Variants in GLIS3 observed in about 807,000 individuals in gnomAD.
GLIS3 encodes GLIS family zinc finger 3.
In GLIS3, 53 loss-of-function variants were observed where a neutral mutation model predicts 78.6. The observed-to-expected ratio is 0.67, with a 90% CI of 0.54 to 0.85. The LOEUF (loss-of-function observed/expected upper bound fraction) is 0.85. Among genes scored for constraint, GLIS3 ranks in the 40% least tolerant of loss-of-function variants. The probability of loss-of-function intolerance (pLI) is 0.00; values close to 1 mark genes in which losing one functional copy is unlikely to be tolerated. For synonymous variants in GLIS3, 684 were observed against 509.9 expected (o/e 1.34, Z -4.60); for missense variants, 1,703 against 1,231.1 (o/e 1.38, Z -5.74).
At chr9:4,126,735 C>T (rs1832610778) in intron 2 of GLIS3, among the ~76,000 whole-genome samples, 1 of 152,196 alleles carries the variant, frequency 6.6e-6, no homozygotes, top group Non-Finnish European at 1.5e-5. Flanking sequence ...TCATAATGAG[C>T]TGAATCATTC....
At chr9:3,971,095 G>A (rs1018792237) in intron 4 of GLIS3, among the ~76,000 whole-genome samples, 9 of 44,534 alleles carry the variant, frequency 2.0e-4, no homozygotes, top group Admixed American at 4.3e-4. Context: ...AGGAAGGATA[G>A]ATCGAAGGAA....
intron 9 of GLIS3, among the ~76,000 whole-genome samples, chr9:3,849,273 T>A (rs1819260593): frequency 6.6e-6 from 1 of 152,194 alleles, no homozygotes; most frequent in Non-Finnish European, 1.5e-5. Context: ...TTTTACAGAT[T>A]AGAAAACCAT....
chr9:4,474,895 G>A, the GLIS3 span, among the ~76,000 whole-genome samples: 1 of 151,262 alleles, frequency 6.6e-6, no homozygotes, highest in Non-Finnish European at 1.5e-5. Context: ...AGAGACGGGG[G>A]CTCCCTATGT....
At chr9:3,955,893 T>C (rs1817066985) in intron 4 of GLIS3, among the ~76,000 whole-genome samples, 1 of 152,084 alleles carries the variant, frequency 6.6e-6, no homozygotes, top group South Asian at 2.1e-4. Context: ...TAATCAGCAA[T>C]GAGAAGTCTC....
At chr9:4,114,031 C>CG (rs60078321) in intron 4 of GLIS3, among the ~76,000 whole-genome samples, 1 of 151,960 alleles carries the variant, frequency 6.6e-6, no homozygotes, top group Non-Finnish European at 1.5e-5. Flanking sequence ...CACGTTCCCC[C>CG]AATTCCCTTA....
intron 2 of GLIS3, among the ~76,000 whole-genome samples, chr9:4,268,160 G>A (rs1307697990): frequency 2.0e-5 from 3 of 152,082 alleles, no homozygotes; most frequent in Admixed American, 6.5e-5. Context: ...GCCACTTACA[G>A]GCTGTATGAC....
rs1817773269 is a variant in GLIS3 at position 3,964,350 on chromosome 9, G to A, written c.1711-27161C>T. 2.0e-5 allele frequency among the ~76,000 whole-genome samples: 3 copies of A among 152,112 alleles called. No homozygotes were observed. In the South Asian group the frequency reaches 6.2e-4, roughly 32 times the overall value. On this transcript the variant is annotated intron_variant, in intron 4 of 10. Coordinates refer to ENST00000381971, the MANE Select transcript of GLIS3 (RefSeq NM_001042413.2). Reference sequence around the variant, plus strand: ...TTCAATGAAAAAAATCTATTACTGGGCGTACAAAACACACTTGCATTAATT... The same window carrying A: ...TTCAATGAAAAAAATCTATTACTGGACGTACAAAACACACTTGCATTAATT...
At chr9:4,265,321 A>G (rs931783350) in intron 2 of GLIS3, among the ~76,000 whole-genome samples, 1 of 152,030 alleles carries the variant, frequency 6.6e-6, no homozygotes, top group African/African-American at 2.4e-5. Context: ...ACCAGGCATT[A>G]TACTAAAATT....
chr9:4,244,341 C>A (rs1258212938), intron 2 of GLIS3, among the ~76,000 whole-genome samples: 1 of 152,212 alleles, frequency 6.6e-6, no homozygotes, highest in African/African-American at 2.4e-5. Flanking sequence ...TGGATACTTA[C>A]CAAGAGTCAT....
intron 2 of GLIS3, among the ~76,000 whole-genome samples, chr9:4,219,750 G>A (rs748133444): frequency 2.0e-5 from 3 of 152,162 alleles, no homozygotes; most frequent in Non-Finnish European, 4.4e-5. Flanking sequence ...GGAGGAAGTG[G>A]GGGCTTTGGC....
the GLIS3 span, among the ~76,000 whole-genome samples, chr9:4,460,230 G>A: frequency 2.0e-5 from 3 of 152,044 alleles, no homozygotes; most frequent in African/African-American, 7.2e-5. Flanking sequence ...GAGAAAGGGG[G>A]CAATTCCTAG....
At chr9:4,461,450 T>G in the GLIS3 span, among the ~76,000 whole-genome samples, 1 of 152,234 alleles carries the variant, frequency 6.6e-6, no homozygotes, top group Non-Finnish European at 1.5e-5. Context: ...AATTTTATCT[T>G]CCTTGTTTAT....
At chr9:4,030,696 G>A (rs370890064) in intron 4 of GLIS3, among the ~76,000 whole-genome samples, 8 of 152,142 alleles carry the variant, frequency 5.3e-5, no homozygotes, top group Admixed American at 2.0e-4. Flanking sequence ...GTTTCCCAGC[G>A]TGTTCTTGGC....
In GLIS3 at chr9:4,042,557, C is replaced by A. The variant is rs143192695; in HGVS notation, c.1710+75211G>T. ...ATCTAGTGCCTGTTTTACCCCAAAT[C>A]TTCTACATCCACTGTTCCGAAGATT... On this transcript the variant is annotated intron_variant, in intron 4 of 10. Transcript: ENST00000381971. Among the ~76,000 whole-genome samples, 356 of 152,272 alleles carry A rather than the reference C, an allele frequency of 2.3e-3. 2 individuals are homozygous for A. The highest frequency in any genetic ancestry group is 8.2e-3 in the African/African-American group (342 of 41,548).
the GLIS3 span, among the ~76,000 whole-genome samples, chr9:4,482,483 A>G: frequency 8.5e-5 from 13 of 152,306 alleles, no homozygotes; most frequent in South Asian, 4.1e-4. Flanking sequence ...CTCCCCACCC[A>G]TGGGTCACGA....
At chr9:4,113,888 C>A (rs989700044) in intron 4 of GLIS3, among the ~76,000 whole-genome samples, 1 of 152,158 alleles carries the variant, frequency 6.6e-6, no homozygotes, top group African/African-American at 2.4e-5. Context: ...TCAATTCATA[C>A]AAAATTCAAA....
intron 2 of GLIS3, among the ~76,000 whole-genome samples, chr9:4,214,431 T>G (rs955141062): frequency 6.6e-6 from 1 of 152,230 alleles, no homozygotes; most frequent in Non-Finnish European, 1.5e-5. Flanking sequence ...TCGGCACGTA[T>G]GTCTTCTGTG....
intron 10 of GLIS3, among the ~76,000 whole-genome samples, 198 bp downstream of exon 10, chr9:3,829,112 G>A (rs1231822612): frequency 6.6e-6 from 1 of 152,104 alleles, no homozygotes; most frequent in East Asian, 1.9e-4. Context: ...GATGGCTCCT[G>A]CACCAGGGTG....
chr9:4,215,630 T>A (rs1190290828), intron 2 of GLIS3, among the ~76,000 whole-genome samples: 2 of 152,214 alleles, frequency 1.3e-5, no homozygotes, highest in Non-Finnish European at 2.9e-5. Context: ...GAATCATCTT[T>A]CTATGATTCA....
Sources: allele counts gnomAD v4.1 joint callset (sites outside exome capture counted in the v4.1 genomes callset), GRCh38; gene constraint gnomAD v4.1.1; transcripts MANE v1.5; gene names NCBI Gene and HGNC (gene_info 2026-07-23, HGNC 2026-07-21).